PHOX2B: variants seen among roughly 807,000 people sequenced by gnomAD.
PHOX2B encodes paired mesoderm homeobox protein 2B.
Under a neutral mutation model 15.5 loss-of-function variants are expected in PHOX2B, and 1 was observed. The observed-to-expected ratio is 0.06, with a 90% CI of 0.02 to 0.31. The LOEUF is 0.31. Among genes scored for constraint, PHOX2B ranks in the 10% least tolerant of loss-of-function variants. The pLI is 1.00. For synonymous variants in PHOX2B, 206 were observed against 190.5 expected (o/e 1.08, Z -0.67); for missense variants, 314 against 436.4 (o/e 0.72, Z 2.50).
chr4:41,748,083 AT>A (rs1733971307), intron 1 of PHOX2B, among the ~76,000 whole-genome samples: 1 of 152,206 alleles, frequency 6.6e-6, no homozygotes, highest in Non-Finnish European at 1.5e-5. Flanking sequence ...TTGTTATTTA[AT>A]TATTTTCTAA....
In PHOX2B at chr4:41,745,924, G is replaced by A. The variant is rs761077266; in HGVS notation, c.828C>T (p.Gly276=). 1 of 1,600,144 alleles carries A rather than the reference G, an allele frequency of 6.2e-7. No homozygotes were observed. Among genetic ancestry groups the A allele is most frequent in the Non-Finnish European group, 8.5e-7 (1 of 1,174,270 alleles). Residue 276 remains glycine (G), a synonymous_variant, in exon 3 of 3, where the codon GGC becomes GGT. Transcript: ENST00000226382. This position sits in a 1 kb window ranked among gnomAD's most constrained non-coding sequence, Gnocchi z 4.0. Reference sequence around the variant, plus strand: ...CCGGGATGGAGGTGATGGGGCCGGGGCCGGGAGCCCAGCCTTGTCCAGGGC... The same window carrying A: ...CCGGGATGGAGGTGATGGGGCCGGGACCGGGAGCCCAGCCTTGTCCAGGGC... The part of the protein sequence containing the change: ...AGGPGQGWAP[G]PGPITSIPDS...
intron 2 of PHOX2B, among the ~76,000 whole-genome samples, 156 bp downstream of exon 2, chr4:41,747,193 G>A (rs923793307): frequency 1.3e-5 from 2 of 152,146 alleles, no homozygotes; most frequent in South Asian, 2.1e-4. Context: ...TCTCTCGAAC[G>A]CACAGCCACA....
intron 2 of PHOX2B, 75 bp from the exon 3 acceptor site, chr4:41,746,397 G>T (rs1032317677): frequency 1.8e-5 from 26 of 1,468,850 alleles, no homozygotes; most frequent in Non-Finnish European, 2.1e-5. Context: ...CACCGGTTAG[G>T]GTGGCCCAAG....
At position 41,748,377 on chromosome 4, in the gene PHOX2B, G is replaced by A. The variant is rs73810366; in HGVS notation, c.234C>T (p.Tyr78=). The A allele has an allele frequency of 6.1e-4, 982 of 1,614,146 alleles. 5 individuals are homozygous for A. In the African/African-American group the frequency reaches 0.012, roughly 19 times the overall value. Residue 78 remains tyrosine, a synonymous_variant, in exon 1 of 3, where the codon TAC becomes TAT. Transcript: ENST00000226382. ...GTLRDHQSSP[Y]AAVPYKLFTD... is the part of the protein sequence containing the mutation. ...AAAGCTGAAGGTCCTTACCTGCGGCGTACGGACTGCTCTGGTGGTCCCTGA... is the reference window on the plus strand; with the variant it reads ...AAAGCTGAAGGTCCTTACCTGCGGCATACGGACTGCTCTGGTGGTCCCTGA...
intron 1 of PHOX2B, chr4:41,747,831 G>A: frequency 3.4e-6 from 2 of 595,984 alleles, no homozygotes; most frequent in South Asian, 3.1e-5. Flanking sequence ...AAAAACCAGA[G>A]AGGAAAAAAA....
At position 41,745,951 on chromosome 4, in the gene PHOX2B, C is replaced by G. The variant is rs778114366; in HGVS notation, c.801G>C (p.Gly267=). Residue 267 remains glycine (G), a synonymous_variant, in exon 3 of 3, where the codon GGG becomes GGC. Transcript: ENST00000226382. The surrounding 1 kb of genome is among the most constrained non-coding windows in gnomAD (Gnocchi z 4.0). ...CGGGAGCCCAGCCTTGTCCAGGGCC[C>G]CCAGCCGCAGCCAGGCCTCCAGCTG... The part of the protein sequence containing the change: ...AAAAGGLAAA[G]GPGQGWAPGP... The G allele has an allele frequency of 6.8e-7, 1 of 1,472,778 alleles. No homozygotes were observed. Among genetic ancestry groups the G allele is most frequent in the Admixed American group, 2.1e-5 (1 of 48,038 alleles). 91.2% of individuals were successfully genotyped at this position (1,472,778 alleles called of 1,614,324 possible).
chr4:41,748,165 G>GA (rs1204672967), intron 1 of PHOX2B: 2 of 602,674 alleles, frequency 3.3e-6, no homozygotes, highest in African/African-American at 3.7e-5. Flanking sequence ...TTTTGTTGGC[G>GA]GTTCGGGTGT....
rs17881486 is a variant in PHOX2B at position 41,746,302 on chromosome 4, G to C, written c.450C>G (p.Arg150=). 7.5e-4 allele frequency: 1,203 copies of C among 1,613,824 alleles called. 12 individuals are homozygous for C. In the African/African-American group the frequency reaches 0.014, roughly 19 times the overall value. Residue 150 remains arginine, a synonymous_variant, in exon 3 of 3, where the codon CGC becomes CGG. Transcript: ENST00000226382. ...ARVQVWFQNR[R]AKFRKQERAA... is the part of the protein sequence containing the mutation. ...CGCGCTCCTGCTTGCGAAACTTGGC[G>C]CGGCGGTTCTGGAACCACACCTGGC... is the stretch of plus-strand genomic sequence containing the variant.
At position 41,745,160 on chromosome 4, in the gene PHOX2B, G is replaced by T. The variant is rs1221916912; in HGVS notation, c.*647C>A. On this transcript the variant is annotated 3_prime_UTR_variant, in exon 3 of 3. Coordinates refer to ENST00000226382, the MANE Select transcript of PHOX2B (RefSeq NM_003924.4). The surrounding 1 kb of genome is among the most constrained non-coding windows in gnomAD (Gnocchi z 4.0). ...TCTTCCCTGAAGAAGAGCCCCAAGA[G>T]AATCCGTGCTGTTAGGAGGGAGCGG... is the stretch of plus-strand genomic sequence containing the variant. The T allele has an allele frequency of 4.3e-6, 1 of 233,096 alleles. No individual in the cohort carries two copies. The highest frequency in any genetic ancestry group is 8.5e-6 in the Non-Finnish European group (1 of 118,052). The allele number at this position is 233,096 out of a possible 1,614,324, so 14.4% of individuals were successfully genotyped here.
At position 41,746,000 on chromosome 4, in the gene PHOX2B, G is replaced by A. The variant is rs2153112764; in HGVS notation, c.752C>T (p.Ala251Val). Residue 251 changes from alanine (A) to valine (V), a missense_variant, in exon 3 of 3, where the codon GCG becomes GTG. By Grantham distance (64) the Ala-to-Val change is moderately conservative. Transcript: ENST00000226382. The surrounding 1 kb of genome is among the most constrained non-coding windows in gnomAD (Gnocchi z 4.0). ...TGCCGCCGCTGCCGCTGCCGCCGCC[G>A]CCGCTGCCGCGGCCGCCGCCGCTGC... Reference protein sequence around the residue: ...AAAAAAAAAAAAAAAAAAAAG... With the variant: ...AAAAAAAAAAVAAAAAAAAAG... 1.7e-6 allele frequency: 2 copies of A among 1,173,870 alleles called. No individual in the cohort carries two copies. The highest frequency in any genetic ancestry group is 4.7e-5 in the Admixed American group (1 of 21,100). The allele number at this position is 1,173,870 out of a possible 1,614,324, so 72.7% of individuals were successfully genotyped here.
Position 41,748,423 on chromosome 4 carries a change from C to G in PHOX2B, c.188G>C (p.Gly63Ala). The change falls in exon 1 of 3, where the codon GGA (glycine) becomes GCA (alanine). Residue 63 changes from glycine (G) to alanine (A), a missense_variant. Transcript: ENST00000226382. ...CCTGAGGGTGCCCAGGCTGCAGGAT[C>G]CCGGCGTGAGGGAAGGGCAGCCGGA... ...ATSGCPSLTP[G>A]SCSLGTLRDH... 6.2e-7 allele frequency: 1 copy of G among 1,614,128 alleles called. No homozygotes were observed. The highest frequency in any genetic ancestry group is 1.7e-5 in the Admixed American group (1 of 60,030).
chr4:41,745,649 T>C lies in PHOX2B; in HGVS notation c.*158A>G. The C allele has an allele frequency of 1.1e-6, 1 of 884,898 alleles. No individual in the cohort carries two copies. Among genetic ancestry groups the C allele is most frequent in the Non-Finnish European group, 1.6e-6 (1 of 614,186 alleles). The allele number at this position is 884,898 out of a possible 1,614,324, so 54.8% of individuals were successfully genotyped here. A position where few individuals can be genotyped will look rare whatever the true frequency, so the allele number is the denominator to read the frequency against. On this transcript the variant is annotated 3_prime_UTR_variant, in exon 3 of 3. Coordinates refer to ENST00000226382, the MANE Select transcript of PHOX2B (RefSeq NM_003924.4). This position sits in a 1 kb window ranked among gnomAD's most constrained non-coding sequence, Gnocchi z 4.0. ...GGGGTTGAAATGAGGGCGACGCCGT[T>C]TTCCCTTTATTCTTAGCGCGATTAC...
chr4:41,747,326 G>C (rs757155646), intron 2 of PHOX2B, 23 bp downstream of exon 2: 1 of 1,593,084 alleles, frequency 6.3e-7, no homozygotes, highest in Non-Finnish European at 8.5e-7. Flanking sequence ...GGCGGAGCGG[G>C]GTCGGTTTCC....
chr4:41,746,557 C>A (rs1401633474), intron 2 of PHOX2B, among the ~76,000 whole-genome samples: 1 of 152,082 alleles, frequency 6.6e-6, no homozygotes. Flanking sequence ...TGAAGGCTTG[C>A]GGCAGAGTTT....
At position 41,745,478 on chromosome 4, in the gene PHOX2B, C is replaced by A; in HGVS notation, c.*329G>T. 6.0e-6 allele frequency: 2 copies of A among 330,876 alleles called. No homozygotes were observed. The highest frequency in any genetic ancestry group is 1.1e-5 in the Non-Finnish European group (2 of 178,966). The allele number at this position is 330,876 out of a possible 1,614,324, so 20.5% of individuals were successfully genotyped here. On this transcript the variant is annotated 3_prime_UTR_variant, in exon 3 of 3. Transcript: ENST00000226382. This position sits in a 1 kb window ranked among gnomAD's most constrained non-coding sequence, Gnocchi z 4.0. ...CACAAACTGACACGCAGACACAGCC[C>A]CCTGAGAGTGCCCCGCGTCCAGGCC...
rs1252049763 is a variant in PHOX2B, at chr4:41,744,778, G to A, written c.*1029C>T. On this transcript the variant is annotated 3_prime_UTR_variant, in exon 3 of 3. Coordinates refer to ENST00000226382, the MANE Select transcript of PHOX2B (RefSeq NM_003924.4). ...CTGCAATTGACCCCAATCCAAAGCA[G>A]TGCCAAAAAGTTCAGTAAAAGCTGG... is the stretch of plus-strand genomic sequence containing the variant. 1.3e-5 allele frequency: 3 copies of A among 233,536 alleles called. No individual in the cohort carries two copies. The highest frequency in any genetic ancestry group is 6.6e-5 in the African/African-American group (3 of 45,320). 14.5% of individuals were successfully genotyped at this position (233,536 alleles called of 1,614,324 possible).
At chr4:41,747,649 C>T (rs982133709) in intron 1 of PHOX2B, 113 bp from the exon 2 acceptor site, 3 of 870,196 alleles carry the variant, frequency 3.4e-6, no homozygotes, top group South Asian at 1.3e-5. Context: ...GCTACCTACA[C>T]CCGCGCGAGA....
intron 1 of PHOX2B, 54 bp downstream of exon 1, chr4:41,748,316 C>G (rs1577561068): frequency 1.2e-6 from 2 of 1,602,698 alleles, no homozygotes; most frequent in East Asian, 4.5e-5. Context: ...TCAAGGCTTC[C>G]TATATACGGG....
Position 41,746,078 on chromosome 4 carries a change from C to A in PHOX2B, c.674G>T (p.Gly225Val). The change falls in exon 3 of 3, where the codon GGG (glycine) becomes GTG (valine). Residue 225 changes from glycine to valine, a missense_variant. Around this residue, in one of 7 missense-constraint regions of PHOX2B, gnomAD observed 157 missense variants for 169.0 expected, o/e 0.93. Coordinates refer to ENST00000226382, the MANE Select transcript of PHOX2B (RefSeq NM_003924.4). ...GGGPSPAGAPGAAGPGGPGGE... is the reference protein window; with the variant it reads ...GGGPSPAGAPVAAGPGGPGGE... ...TCCCGGGCCCCCGGGCCCCGCCGCC[C>A]CCGGAGCTCCAGCCGGGCTGGGCCC... The A allele has an allele frequency of 6.7e-7, 1 of 1,497,922 alleles. No homozygotes were observed. Among genetic ancestry groups the A allele is most frequent in the African/African-American group, 1.4e-5 (1 of 69,202 alleles). The allele number at this position is 1,497,922 out of a possible 1,614,324, so 92.8% of individuals were successfully genotyped here.
Sources: gnomAD v4.1 joint callset for allele counts (sites outside exome capture counted in the v4.1 genomes callset) on GRCh38, gnomAD v4.1.1 for gene constraint, gnomAD v4.1.1 regional missense constraint, Gnocchi (gnomAD v3.1) non-coding constraint, MANE v1.5 for transcripts, NCBI Gene and HGNC (gene_info 2026-07-23, HGNC 2026-07-21) for gene names.